Variants in CELSR3 observed in about 807,000 individuals in gnomAD.
CELSR3 encodes the protein EGF-like protein 1.
A neutral mutation model predicts 270.0 loss-of-function variants in CELSR3; 73 were observed. The ratio of observed to expected loss-of-function variants is 0.27; its 90% CI spans 0.22 to 0.33. The LOEUF is 0.33. Ranked by LOEUF, CELSR3 falls within the 10% of genes least tolerant of loss-of-function variation. The pLI, the probability that CELSR3 is intolerant of heterozygous loss-of-function variation, is 1.00. For missense variants in CELSR3, 3,614 were observed against 4,533.8 expected (o/e 0.80, Z 5.83); for synonymous variants, 1,780 against 1,905.4 (o/e 0.93, Z 1.71).
At position 48,655,419 on chromosome 3, in the gene CELSR3, C is replaced by G; in HGVS notation, c.4742-25G>C. 6.2e-7 allele frequency: 1 copy of G among 1,612,652 alleles called. No individual in the cohort carries two copies. The highest frequency in any genetic ancestry group is 1.6e-4 in the Middle Eastern group (1 of 6,062). ...CCTGGAGGGGAGATGCATGTGGAAT[C>G]ATCAGGAGCAGCGGAGTCGCCCCAT... On this transcript the variant is annotated intron_variant, in intron 4 of 34. Coordinates refer to ENST00000164024, the MANE Select transcript of CELSR3 (RefSeq NM_001407.3). The surrounding 1 kb of genome is among the most constrained non-coding windows in gnomAD (Gnocchi z 5.8).
At chr3:48,656,048 T>C in intron 3 of CELSR3, 92 bp downstream of exon 3, 2 of 1,115,280 alleles carry the variant, frequency 1.8e-6, no homozygotes, top group South Asian at 1.4e-5. Context: ...CGGTGTCTCA[T>C]GGGGATGCCA....
In CELSR3 at chr3:48,662,387, G is replaced by A; in HGVS notation, c.248C>T (p.Pro83Leu). 3 of 1,612,928 alleles carry A rather than the reference G, an allele frequency of 1.9e-6. No homozygotes were observed. The highest frequency in any genetic ancestry group is 2.5e-6 in the Non-Finnish European group (3 of 1,179,988). ...TCTCCCTCGGAGCCCCACGAAGATA[G>A]GCTCCCTGACCCCCAGGCCAGGCCC... ...DGGPGLGVRE[P>L]IFVGLRGRRQ... Residue 83 changes from proline to leucine, a missense_variant, in exon 1 of 35, where the codon CCT becomes CTT. Pro to Leu is a moderately conservative substitution (Grantham distance 98). Around this residue, in one of 7 missense-constraint regions of CELSR3, gnomAD observed 470 missense variants for 469.7 expected, o/e 1.00. Transcript: ENST00000164024. The surrounding 1 kb of genome is among the most constrained non-coding windows in gnomAD (Gnocchi z 7.1).
chr3:48,648,221 C>A, intron 19 of CELSR3, 45 bp downstream of exon 19: 1 of 1,587,008 alleles, frequency 6.3e-7, no homozygotes, highest in Non-Finnish European at 8.6e-7. Flanking sequence ...CCTGCCCTTT[C>A]ATGGCCCCCC....
Position 48,656,294 on chromosome 3 carries a change from T to C in CELSR3, c.4471A>G (p.Thr1491Ala). ...PGVCRNGGTC[T>A]DAPNGGFRCQ... is the part of the protein sequence containing the mutation. Reference sequence around the variant, plus strand: ...CGAAAGCCGCCGTTGGGCGCGTCGGTGCAGGTGCCCCCGTTGCGGCAGACG... The same window carrying C: ...CGAAAGCCGCCGTTGGGCGCGTCGGCGCAGGTGCCCCCGTTGCGGCAGACG... Residue 1491 changes from threonine (T) to alanine (A), a missense_variant, in exon 3 of 35, where the codon ACC becomes GCC. By Grantham distance (58) the Thr-to-Ala change is moderately conservative (BLOSUM62 0). Coordinates refer to ENST00000164024, the MANE Select transcript of CELSR3 (RefSeq NM_001407.3). 4 of 1,520,412 alleles carry C rather than the reference T, an allele frequency of 2.6e-6. No homozygotes were observed. The highest frequency in any genetic ancestry group is 3.5e-6 in the Non-Finnish European group (4 of 1,141,218). 94.2% of individuals were successfully genotyped at this position (1,520,412 alleles called of 1,614,324 possible).
chr3:48,642,830 T>C lies in CELSR3; in HGVS notation c.8461A>G (p.Ile2821Val), dbSNP rs1417893735. The change falls in exon 30 of 35, where the codon ATC (isoleucine) becomes GTC (valine). Residue 2821 changes from isoleucine to valine, a missense_variant. Physicochemically the swap from Ile to Val is conservative, Grantham distance 29. This residue lies in a region of CELSR3 where 1,240 missense variants were observed against 1,351.7 expected (regional missense o/e 0.92). Transcript: ENST00000164024. The surrounding 1 kb of genome is among the most constrained non-coding windows in gnomAD (Gnocchi z 6.1). ...GAGACGGTGGAGGCGCCCAGAGTGA[T>C]GCGGATGAGGCCACTCTCCTCAAAG... The part of the protein sequence containing the change: ...ALFEESGLIR[I>V]TLGASTVSSV... 1.9e-6 allele frequency: 3 copies of C among 1,613,128 alleles called. No individual in the cohort carries two copies. Among genetic ancestry groups the C allele is most frequent in the East Asian group, 4.5e-5 (2 of 44,880 alleles).
In CELSR3 at chr3:48,638,189, C is replaced by G; in HGVS notation, c.*16G>C. Reference sequence around the variant, plus strand: ...TCTGTCGCCCTCAGCTGTTCCTCGTCCACGCCGTCATCCCCTCAGGAGTGA... The same window carrying G: ...TCTGTCGCCCTCAGCTGTTCCTCGTGCACGCCGTCATCCCCTCAGGAGTGA... On this transcript the variant is annotated 3_prime_UTR_variant, in exon 35 of 35. Transcript: ENST00000164024. The G allele has an allele frequency of 6.2e-7, 1 of 1,611,392 alleles. No homozygotes were observed. The highest frequency in any genetic ancestry group is 1.3e-5 in the African/African-American group (1 of 74,942).
chr3:48,648,447 G>T lies in CELSR3; in HGVS notation c.6792C>A (p.Ala2264=), dbSNP rs1206450138. Reference sequence around the variant, plus strand: ...TCTCTGGGGCAAGCAGTGCAGAGCCGGCCCACAGCAGATTCTGGGAAGACA... The same window carrying T: ...TCTCTGGGGCAAGCAGTGCAGAGCCTGCCCACAGCAGATTCTGGGAAGACA... ...DAHFNENLLW[A]GSALLAPETG... is the part of the protein sequence containing the mutation. The change falls in exon 19 of 35, where the codon GCC becomes GCA. Residue 2264 remains alanine, a synonymous_variant. Transcript: ENST00000164024. 1.3e-6 allele frequency: 2 copies of T among 1,567,966 alleles called. No homozygotes were observed. The highest frequency in any genetic ancestry group is 1.7e-6 in the Non-Finnish European group (2 of 1,160,000).
At chr3:48,648,241 C>CCCCCCCACCCCCCCCCCAA in intron 19 of CELSR3, 25 bp downstream of exon 19, 1 of 1,318,118 alleles carries the variant, frequency 7.6e-7, no homozygotes, top group Non-Finnish European at 1.1e-6. Flanking sequence ...CTGCTGTGCC[C>CCCCCCCACCCCCCCCCCAA]CGCCCTACCC....
Position 48,637,181 on chromosome 3 carries a change from C to T in CELSR3, c.*1024G>A, listed in dbSNP as rs1408288117. 1 of 152,538 alleles carries T rather than the reference C, an allele frequency of 6.6e-6. No individual in the cohort carries two copies. The highest frequency in any genetic ancestry group is 2.4e-5 in the African/African-American group (1 of 41,408). The allele number at this position is 152,538 out of a possible 1,614,324, so 9.4% of individuals were successfully genotyped here. ...GAACAGGGTCGTAACAGTCATTTTTCCCTTTTTAAGGGAATAAAGGAGGAG... is the reference window on the plus strand; with the variant it reads ...GAACAGGGTCGTAACAGTCATTTTTTCCTTTTTAAGGGAATAAAGGAGGAG... On this transcript the variant is annotated 3_prime_UTR_variant, in exon 35 of 35. Coordinates refer to ENST00000164024, the MANE Select transcript of CELSR3 (RefSeq NM_001407.3).
intron 3 of CELSR3, 101 bp downstream of exon 3, chr3:48,656,039 G>T: frequency 2.3e-6 from 3 of 1,306,316 alleles, no homozygotes; most frequent in South Asian, 1.3e-5. Context: ...GGGGAGGGGC[G>T]GTGTCTCATG....
chr3:48,659,866 G>T lies in CELSR3; in HGVS notation c.2769C>A (p.Asp923Glu). The T allele has an allele frequency of 1.9e-6, 3 of 1,614,174 alleles. No individual in the cohort carries two copies. The highest frequency in any genetic ancestry group is 2.5e-6 in the Non-Finnish European group (3 of 1,180,022). Residue 923 changes from aspartate (D) to glutamate (E), a missense_variant, in exon 1 of 35, where the codon GAC (aspartate) becomes GAA (glutamate). Asp to Glu is a conservative substitution (Grantham distance 45, BLOSUM62 2). Coordinates refer to ENST00000164024, the MANE Select transcript of CELSR3 (RefSeq NM_001407.3). This position sits in a 1 kb window ranked among gnomAD's most constrained non-coding sequence, Gnocchi z 8.1. ...ITLQAPLDYE[D>E]QVTYTLAITA... Reference sequence around the variant, plus strand: ...TGATAGCCAGGGTGTAGGTCACCTGGTCCTCATAGTCTAATGGGGCCTGTA... The same window carrying T: ...TGATAGCCAGGGTGTAGGTCACCTGTTCCTCATAGTCTAATGGGGCCTGTA...
Position 48,659,383 on chromosome 3 carries a change from T to G in CELSR3, c.3252A>C (p.Ser1084=). 1 of 1,614,204 alleles carries G rather than the reference T, an allele frequency of 6.2e-7. No homozygotes were observed. Among genetic ancestry groups the G allele is most frequent in the Non-Finnish European group, 8.5e-7 (1 of 1,180,038 alleles). ...VRVKENSIVG[S]VVAQITAVDP... ...CCACTGCAGTGATCTGGGCCACCAC[T>G]GAGCCCACAATGCTATTCTCTTTCA... Residue 1084 remains serine, a synonymous_variant, in exon 1 of 35, where the codon TCA becomes TCC. Transcript: ENST00000164024. This position sits in a 1 kb window ranked among gnomAD's most constrained non-coding sequence, Gnocchi z 8.1.
Position 48,656,942 on chromosome 3 carries a change from C to T in CELSR3, c.4155G>A (p.Glu1385=), listed in dbSNP as rs1320621106. Residue 1385 remains glutamate (E), a synonymous_variant, in exon 2 of 35, where the codon GAG becomes GAA. Transcript: ENST00000164024. ...GCACGGACACGCATTTCATGTAGTT[C>T]TCACAGGGCTCTCGCAGGCACACGT... The part of the protein sequence containing the change: ...DDNVCLREPC[E]NYMKCVSVLR... 2 of 1,612,258 alleles carry T rather than the reference C, an allele frequency of 1.2e-6. No homozygotes were observed. Among genetic ancestry groups the T allele is most frequent in the African/African-American group, 2.7e-5 (2 of 74,906 alleles).
chr3:48,660,951 T>C lies in CELSR3; in HGVS notation c.1684A>G (p.Thr562Ala). Residue 562 changes from threonine to alanine, a missense_variant, in exon 1 of 35, where the codon ACA becomes GCA. By Grantham distance (58) the Thr-to-Ala change is moderately conservative. Around this residue, in one of 7 missense-constraint regions of CELSR3, gnomAD observed 354 missense variants for 500.9 expected, o/e 0.71. Transcript: ENST00000164024. This position sits in a 1 kb window ranked among gnomAD's most constrained non-coding sequence, Gnocchi z 5.5. ...GTGGCCGTGACGCGCAGCACGACTG[T>C]GTGGGGGCGCACATCCTCGCGCACC... is the stretch of plus-strand genomic sequence containing the variant. ...AQVREDVRPH[T>A]VVLRVTATDR... 1 of 1,613,906 alleles carries C rather than the reference T, an allele frequency of 6.2e-7. No individual in the cohort carries two copies. The highest frequency in any genetic ancestry group is 8.5e-7 in the Non-Finnish European group (1 of 1,180,032).
Position 48,647,948 on chromosome 3 carries a change from C to T in CELSR3, c.7022G>A (p.Arg2341His), listed in dbSNP as rs574354699. The T allele has an allele frequency of 2.1e-4, 344 of 1,612,088 alleles. 8 individuals carry two copies. The South Asian group carries it at 3.3e-3, about 15-fold the overall frequency. ...MEHPSSPRGA[R>H]RYPRYHSNLF... ...GTTGCTATGGTAGCGAGGGTAGCGA[C>T]GGGCCCCCCGGGGAGAACTGGGGTG... The change falls in exon 20 of 35, where the codon CGT becomes CAT. Residue 2341 changes from arginine (R) to histidine (H), a missense_variant. This residue lies in a region of CELSR3 where 1,240 missense variants were observed against 1,351.7 expected (regional missense o/e 0.92). Transcript: ENST00000164024.
At position 48,662,713 on chromosome 3, in the gene CELSR3, C is replaced by T. The variant is rs372190056; in HGVS notation, c.-79G>A. The stretch of plus-strand genomic sequence containing the variant: ...GCTGGCCCCGCCGCTCGGGCCCCCT[C>T]CCGGGCCCCTGCCGCCGCCCCGGGC... On this transcript the variant is annotated 5_prime_UTR_variant, in exon 1 of 35. Coordinates refer to ENST00000164024, the MANE Select transcript of CELSR3 (RefSeq NM_001407.3). The surrounding 1 kb of genome is among the most constrained non-coding windows in gnomAD (Gnocchi z 7.1). 41 of 573,984 alleles carry T rather than the reference C, an allele frequency of 7.1e-5. 1 individual carries two copies. The East Asian group carries it at 9.6e-4, about 13-fold the overall frequency. The allele number at this position is 573,984 out of a possible 1,614,324, so 35.6% of individuals were successfully genotyped here.
Position 48,648,255 on chromosome 3 carries a change from C to A in CELSR3, c.6973+11G>T, listed in dbSNP as rs376956651. 1.9e-6 allele frequency: 3 copies of A among 1,598,340 alleles called. No individual in the cohort carries two copies. Among genetic ancestry groups the A allele is most frequent in the Non-Finnish European group, 2.6e-6 (3 of 1,170,060 alleles). ...CCTGCTGTGCCCCGCCCTACCCCAC[C>A]CACAACGCACTGATATTAGGCGTCA... On this transcript the variant is annotated intron_variant, in intron 19 of 34. Coordinates refer to ENST00000164024, the MANE Select transcript of CELSR3 (RefSeq NM_001407.3).
At chr3:48,656,013 C>T in intron 3 of CELSR3, 127 bp downstream of exon 3, 1 of 1,206,594 alleles carries the variant, frequency 8.3e-7, no homozygotes, top group Non-Finnish European at 1.2e-6. Context: ...GTCAGGAGAC[C>T]CCGGGCGGGG....
intron 20 of CELSR3, 116 bp from the exon 21 acceptor site, chr3:48,647,044 G>GC: frequency 1.0e-6 from 1 of 980,102 alleles, no homozygotes; most frequent in Non-Finnish European, 1.4e-6. Context: ...CAGAATTGGG[G>GC]AGTGCAGGGA....
Sources: gnomAD v4.1 joint callset for allele counts on GRCh38, gnomAD v4.1.1 for gene constraint, gnomAD v4.1.1 regional missense constraint, Gnocchi (gnomAD v3.1) non-coding constraint, MANE v1.5 for transcripts, NCBI Gene and HGNC (gene_info 2026-07-23, HGNC 2026-07-21) for gene names.